Variants in IMMP2L observed in about 807,000 individuals in gnomAD.
The protein encoded by IMMP2L is mitochondrial inner membrane protease subunit 2.
A neutral mutation model predicts 19.3 loss-of-function variants in IMMP2L; 18 were observed. The observed-to-expected ratio is 0.93, with a 90% CI of 0.64 to 1.38. The LOEUF (loss-of-function observed/expected upper bound fraction) is 1.38, where lower values mean the gene tolerates loss of function less well. Among genes scored for constraint, IMMP2L ranks in the 40% most tolerant of loss-of-function variants. The pLI is 0.00. For missense variants in IMMP2L, 233 were observed against 218.2 expected (o/e 1.07, Z -0.43); for synonymous variants, 76 against 73.0 (o/e 1.04, Z -0.21).
At chr7:111,486,934 T>C (rs188288358) in intron 3 of IMMP2L, among the ~76,000 whole-genome samples, 1 of 152,268 alleles carries the variant, frequency 6.6e-6, no homozygotes, top group East Asian at 1.9e-4. Flanking sequence ...CTTACCAAGA[T>C]GCAAAATTTC....
chr7:110,672,272 T>C lies in IMMP2L; in HGVS notation c.409-8551A>G, dbSNP rs1051922697. ...CCCTTTATAAAACCATCAGATCTCA[T>C]GAGACTCACGCACTATCACAACAAA... On this transcript the variant is annotated intron_variant, in intron 5 of 5. Coordinates refer to ENST00000405709, the MANE Select transcript of IMMP2L (RefSeq NM_032549.4). Among the ~76,000 whole-genome samples, 4 of 152,044 alleles carry C rather than the reference T, an allele frequency of 2.6e-5. No individual in the cohort carries two copies. The East Asian group carries it at 5.8e-4, about 22-fold the overall frequency.
chr7:111,337,869 C>T (rs993463715), intron 3 of IMMP2L, among the ~76,000 whole-genome samples: 1 of 152,110 alleles, frequency 6.6e-6, no homozygotes, highest in Non-Finnish European at 1.5e-5. Flanking sequence ...GCAAAACCAG[C>T]AACAGCATCA....
chr7:110,790,070 A>T (rs978456277), intron 5 of IMMP2L, among the ~76,000 whole-genome samples: 1 of 151,608 alleles, frequency 6.6e-6, no homozygotes, highest in Non-Finnish European at 1.5e-5. Context: ...TAAGGATATA[A>T]ACTTTGTCTT....
intron 3 of IMMP2L, among the ~76,000 whole-genome samples, chr7:110,989,683 ATAAC>A (rs1378860833): frequency 2.0e-5 from 3 of 150,874 alleles, no homozygotes; most frequent in African/African-American, 4.8e-5. Flanking sequence ...ATATTAATAT[ATAAC>A]TAAATATACA....
Position 110,839,178 on chromosome 7 carries a change from T to C in IMMP2L, c.408+47415A>G, listed in dbSNP as rs530289640. Among the ~76,000 whole-genome samples the C allele has an allele frequency of 2.0e-5, 3 of 152,254 alleles. No individual in the cohort carries two copies. In the East Asian group the frequency reaches 5.8e-4, roughly 29 times the overall value. On this transcript the variant is annotated intron_variant, in intron 5 of 5. Transcript: ENST00000405709. ...ACAGTGAAAATTTTCTATTGTTACA[T>C]GAAGGACAGACCTTGGAATATCTTT...
chr7:111,410,452 A>C (rs1834301791), intron 3 of IMMP2L, among the ~76,000 whole-genome samples: 1 of 151,778 alleles, frequency 6.6e-6, no homozygotes, highest in African/African-American at 2.4e-5. Context: ...AAACCAATGT[A>C]AATTAGTATG....
At chr7:111,382,471 G>T (rs908807997) in intron 3 of IMMP2L, among the ~76,000 whole-genome samples, 14 of 152,060 alleles carry the variant, frequency 9.2e-5, no homozygotes, top group African/African-American at 3.1e-4. Context: ...AAGAGCAAAG[G>T]AGAGGCAAGA....
At chr7:111,150,132 T>C (rs1803913388) in intron 3 of IMMP2L, among the ~76,000 whole-genome samples, 1 of 152,184 alleles carries the variant, frequency 6.6e-6, no homozygotes, top group Non-Finnish European at 1.5e-5. Context: ...GAAAACCAAA[T>C]AGAATATTAT....
chr7:111,445,766 G>A (rs1017779056), intron 3 of IMMP2L, among the ~76,000 whole-genome samples: 52 of 152,238 alleles, frequency 3.4e-4, no homozygotes, highest in African/African-American at 1.2e-3. Flanking sequence ...CGCAGAAGAC[G>A]GGTGATTTCT....
chr7:111,329,867 C>T (rs1367671925), intron 3 of IMMP2L, among the ~76,000 whole-genome samples: 1 of 151,554 alleles, frequency 6.6e-6, no homozygotes, highest in Non-Finnish European at 1.5e-5. Context: ...TAAGCCATCC[C>T]AACATACAGA....
chr7:110,755,079 C>T (rs1797961882), intron 5 of IMMP2L, among the ~76,000 whole-genome samples: 2 of 151,996 alleles, frequency 1.3e-5, no homozygotes, highest in African/African-American at 2.4e-5. Flanking sequence ...ATATCTGCAA[C>T]ATAAGCTATG....
At chr7:111,402,584 A>G (rs1833523880) in intron 3 of IMMP2L, among the ~76,000 whole-genome samples, 1 of 151,876 alleles carries the variant, frequency 6.6e-6, no homozygotes, top group Non-Finnish European at 1.5e-5. Context: ...AGTAGCATGC[A>G]CCAGAAGTCC....
At chr7:111,281,088 GAGAGAGAAAGAGAGAAAGAGAGAA>G (rs1324133662) in intron 3 of IMMP2L, among the ~76,000 whole-genome samples, 1 of 35,786 alleles carries the variant, frequency 2.8e-5, no homozygotes, top group African/African-American at 1.3e-4. Flanking sequence ...AAGAAGGAAA[GAGAGAGAAAGAGAGAAAGAGAGAA>G]AGAGAGAAAG....
At chr7:111,443,217 T>C (rs936140275) in intron 3 of IMMP2L, among the ~76,000 whole-genome samples, 1 of 151,936 alleles carries the variant, frequency 6.6e-6, no homozygotes, top group Non-Finnish European at 1.5e-5. Context: ...AATTCACACA[T>C]GGCTACATGA....
chr7:111,492,918 G>A (rs999340947), intron 2 of IMMP2L, among the ~76,000 whole-genome samples: 1 of 152,082 alleles, frequency 6.6e-6, no homozygotes, highest in African/African-American at 2.4e-5. Context: ...TACTTAATAG[G>A]TATCTGCCTA....
At position 110,821,467 on chromosome 7, in the gene IMMP2L, G is replaced by T. The variant is rs1584935042; in HGVS notation, c.408+65126C>A. Among the ~76,000 whole-genome samples, 3 of 151,960 alleles carry T rather than the reference G, an allele frequency of 2.0e-5. No homozygotes were observed. The East Asian group carries it at 5.8e-4, about 29-fold the overall frequency. On this transcript the variant is annotated intron_variant, in intron 5 of 5. Transcript: ENST00000405709. The stretch of plus-strand genomic sequence containing the variant: ...TCAGATATGTTAAAGGGATTTCACA[G>T]ATATAAAAAAAATGTGATCCTTAAA...
chr7:110,773,780 T>A (rs752594316), intron 5 of IMMP2L, among the ~76,000 whole-genome samples: 1 of 151,424 alleles, frequency 6.6e-6, no homozygotes, highest in Non-Finnish European at 1.5e-5. Flanking sequence ...GGTTAATCTG[T>A]CCAGGAGGGC....
chr7:110,681,484 T>C (rs1036001967), intron 5 of IMMP2L, among the ~76,000 whole-genome samples: 6 of 152,134 alleles, frequency 3.9e-5, no homozygotes, highest in Non-Finnish European at 4.4e-5. Context: ...CAGCAGGGCA[T>C]GTCACAAGCC....
At position 110,727,545 on chromosome 7, in the gene IMMP2L, A is replaced by G. The variant is rs1413843337; in HGVS notation, c.409-63824T>C. On this transcript the variant is annotated intron_variant, in intron 5 of 5. Coordinates refer to ENST00000405709, the MANE Select transcript of IMMP2L (RefSeq NM_032549.4). The surrounding 1 kb of genome is among the most constrained non-coding windows in gnomAD (Gnocchi z 4.3). ...AGTGCTCCAAACCAGTAAGAGTCAG[A>G]AACTGATGTTAGCAAATTGAAGGTA... Among the ~76,000 whole-genome samples, 1 of 152,230 alleles carries G rather than the reference A, an allele frequency of 6.6e-6. No homozygotes were observed. The highest frequency in any genetic ancestry group is 1.9e-4 in the East Asian group (1 of 5,202).
Sources: gnomAD v4.1 joint callset for allele counts (sites outside exome capture counted in the v4.1 genomes callset) on GRCh38, gnomAD v4.1.1 for gene constraint, Gnocchi (gnomAD v3.1) non-coding constraint, MANE v1.5 for transcripts, NCBI Gene and HGNC (gene_info 2026-07-23, HGNC 2026-07-21) for gene names.